The following UBAC2 variants were observed in gnomAD, a reference collection of about 807,000 sequenced individuals.
The protein encoded by UBAC2 is UBA domain containing 2.
Under a neutral mutation model 44.0 loss-of-function variants are expected in UBAC2, and 26 were observed. The observed-to-expected ratio is 0.59, with a 90% CI of 0.43 to 0.82. The LOEUF is 0.82. Ranked by LOEUF, UBAC2 falls within the 40% of genes least tolerant of loss-of-function variation. UBAC2 has a pLI of 0.00. For missense variants in UBAC2, 329 were observed against 419.4 expected (o/e 0.78, Z 1.88); for synonymous variants, 155 against 154.3 (o/e 1.00, Z -0.04).
chr13:99,297,887 C>T (rs1417783441), intron 4 of UBAC2, among the ~76,000 whole-genome samples: 1 of 151,132 alleles, frequency 6.6e-6, no homozygotes, highest in African/African-American at 2.4e-5. Flanking sequence ...AGAATAAAGG[C>T]AAGAGAAAAT....
intron 7 of UBAC2, among the ~76,000 whole-genome samples, chr13:99,363,947 A>G (rs1335968719): frequency 7.2e-5 from 11 of 152,088 alleles, no homozygotes; most frequent in Non-Finnish European, 1.6e-4. Flanking sequence ...TTTTATTGCT[A>G]TTTATAAATA....
chr13:99,361,365 A>G (rs2045262481), intron 7 of UBAC2, among the ~76,000 whole-genome samples: 1 of 152,208 alleles, frequency 6.6e-6, no homozygotes, highest in Non-Finnish European at 1.5e-5. Context: ...ATTCATGTCA[A>G]AACATCCTAG....
intron 4 of UBAC2, among the ~76,000 whole-genome samples, chr13:99,286,959 C>T (rs1413660866): frequency 6.6e-6 from 1 of 151,888 alleles, no homozygotes; most frequent in Non-Finnish European, 1.5e-5. Flanking sequence ...CCTCTACCCC[C>T]GATGTAACAA....
At chr13:99,332,184 A>G (rs1326799999) in intron 6 of UBAC2, among the ~76,000 whole-genome samples, 1 of 152,204 alleles carries the variant, frequency 6.6e-6, no homozygotes. Flanking sequence ...TTGGCCAAAG[A>G]AAGCAATCGA....
Position 99,385,587 on chromosome 13 carries a change from A to C in UBAC2, c.*252A>C. The C allele has an allele frequency of 6.4e-6, 3 of 466,100 alleles. No homozygotes were observed. Among genetic ancestry groups the C allele is most frequent in the Non-Finnish European group, 1.2e-5 (3 of 256,592 alleles). The allele number at this position is 466,100 out of a possible 1,614,324, so 28.9% of individuals were successfully genotyped here. A position where few individuals can be genotyped will look rare whatever the true frequency, so the allele number is the denominator to read the frequency against. ...ATTTTCCCTAGGTTGGAGAGTCAGC[A>C]CTCGTTTTGAATGTGTTTAAAATGC... On this transcript the variant is annotated 3_prime_UTR_variant, in exon 9 of 9. Transcript: ENST00000403766.
chr13:99,382,499 A>G (rs2045564331), intron 8 of UBAC2, among the ~76,000 whole-genome samples: 1 of 152,178 alleles, frequency 6.6e-6, no homozygotes, highest in African/African-American at 2.4e-5. Flanking sequence ...AAGGGCCCAG[A>G]CTGTTGGAGG....
chr13:99,349,580 G>A (rs2045047054), intron 7 of UBAC2, among the ~76,000 whole-genome samples: 1 of 152,188 alleles, frequency 6.6e-6, no homozygotes, highest in African/African-American at 2.4e-5. Flanking sequence ...ACAAGGTGAA[G>A]CAAGTCACGT....
chr13:99,288,207 A>G (rs571574159), intron 4 of UBAC2, among the ~76,000 whole-genome samples: 1 of 152,224 alleles, frequency 6.6e-6, no homozygotes, highest in Non-Finnish European at 1.5e-5. Context: ...CTTGTACAGA[A>G]ACCAGAAATA....
chr13:99,222,754 T>A (rs763877650), intron 1 of UBAC2, among the ~76,000 whole-genome samples: 2 of 152,250 alleles, frequency 1.3e-5, no homozygotes, highest in Non-Finnish European at 2.9e-5. Flanking sequence ...GATTTACTGA[T>A]GTTTTGTTGA....
intron 7 of UBAC2, among the ~76,000 whole-genome samples, chr13:99,355,437 G>A (rs2045163928): frequency 6.6e-6 from 1 of 152,204 alleles, no homozygotes; most frequent in African/African-American, 2.4e-5. Flanking sequence ...CTCAGTCGAG[G>A]GAGTGAGGAA....
intron 1 of UBAC2, among the ~76,000 whole-genome samples, chr13:99,217,096 G>T (rs2043005292): frequency 6.6e-6 from 1 of 152,140 alleles, no homozygotes; most frequent in African/African-American, 2.4e-5. Context: ...CTCCCAAAGT[G>T]CTGGGATCAC....
chr13:99,293,231 G>C (rs898840742), intron 4 of UBAC2, among the ~76,000 whole-genome samples: 2 of 152,258 alleles, frequency 1.3e-5, no homozygotes, highest in East Asian at 1.9e-4. Flanking sequence ...ACAGATAAAA[G>C]AATGTTATTC....
At chr13:99,316,598 G>C (rs1028252912) in intron 5 of UBAC2, among the ~76,000 whole-genome samples, 1 of 152,198 alleles carries the variant, frequency 6.6e-6, no homozygotes, top group Non-Finnish European at 1.5e-5. Flanking sequence ...CACTGGGTGA[G>C]ATGTAGCCCC....
At chr13:99,255,456 C>T in intron 4 of UBAC2, 2 of 1,614,008 alleles carry the variant, frequency 1.2e-6, no homozygotes, top group East Asian at 2.2e-5. Context: ...CACACGCCAG[C>T]ACGGCTTTGC....
chr13:99,364,954 T>C (rs979419808), intron 7 of UBAC2, among the ~76,000 whole-genome samples: 15 of 152,224 alleles, frequency 9.9e-5, no homozygotes, highest in Admixed American at 9.2e-4. Context: ...TGAATTTCTT[T>C]TATTCAGGAG....
At chr13:99,209,363 ACT>A (rs1336693058) in intron 1 of UBAC2, among the ~76,000 whole-genome samples, 1 of 152,144 alleles carries the variant, frequency 6.6e-6, no homozygotes, top group East Asian at 1.9e-4. Flanking sequence ...GAATCAGGGG[ACT>A]GCCTTGCAAT....
intron 4 of UBAC2, chr13:99,296,242 T>A: frequency 8.2e-7 from 1 of 1,215,652 alleles, no homozygotes; most frequent in Non-Finnish European, 1.1e-6. Flanking sequence ...TAAAAAAGTT[T>A]AAATAATGTA....
At chr13:99,328,364 A>G (rs1422510143) in intron 6 of UBAC2, among the ~76,000 whole-genome samples, 6 of 152,176 alleles carry the variant, frequency 3.9e-5, no homozygotes, top group Non-Finnish European at 7.3e-5. Context: ...TTCTTTAGGA[A>G]CGGAATTGCT....
chr13:99,312,599 G>C (rs1566497511), intron 4 of UBAC2, among the ~76,000 whole-genome samples: 1 of 152,196 alleles, frequency 6.6e-6, no homozygotes, highest in South Asian at 2.1e-4. Context: ...ATTCATTGCA[G>C]TGGTGAAACT....
Sources: gnomAD v4.1 joint callset for allele counts (sites outside exome capture counted in the v4.1 genomes callset) on GRCh38, gnomAD v4.1.1 for gene constraint, MANE v1.5 for transcripts, NCBI Gene and HGNC (gene_info 2026-07-23, HGNC 2026-07-21) for gene names.